Variants in DGKE observed in about 807,000 individuals in gnomAD.
The protein encoded by DGKE is diacylglycerol kinase epsilon, also known as DAG kinase epsilon.
In DGKE, 53 loss-of-function variants were observed where a neutral mutation model predicts 70.0. That is an observed-to-expected ratio of 0.76 (90% CI 0.61 to 0.95). The LOEUF is 0.95. Ranked by LOEUF, DGKE falls within the 40% of genes least tolerant of loss-of-function variation. DGKE has a pLI of 0.00. For missense variants in DGKE, 655 were observed against 706.9 expected, an observed-to-expected ratio of 0.93 and a Z score of 0.83; for synonymous variants, 291 against 257.0, an observed-to-expected ratio of 1.13 and a Z score of -1.27.
chr17:56,858,547 C>G, intron 8 of DGKE, 47 bp from the exon 9 acceptor site: 2 of 1,463,856 alleles, frequency 1.4e-6, no homozygotes, highest in East Asian at 2.3e-5. Flanking sequence ...TTATTGTTTA[C>G]AGGGTTAGAT....
chr17:56,845,798 A>C lies in DGKE; in HGVS notation c.733A>C (p.Asn245His). Residue 245 changes from asparagine to histidine, a missense_variant, in exon 4 of 12, where the codon AAT (asparagine) becomes CAT (histidine). Physicochemically the swap from Asn to His is moderately conservative, Grantham distance 68 (BLOSUM62 1). Coordinates refer to ENST00000284061, the MANE Select transcript of DGKE (RefSeq NM_003647.3). ...GLLGEFRILL[N>H]PVQVFDVTKT... ...GTTGGGAGAATTTAGGATCTTGTTG[A>C]ATCCAGTCCAGGTAACTAAAGAAAA... 6.3e-7 allele frequency: 1 copy of C among 1,593,716 alleles called. No individual in the cohort carries two copies. The highest frequency in any genetic ancestry group is 2.3e-5 in the East Asian group (1 of 44,240).
rs541055095 is a variant in DGKE, at chr17:56,865,766, C to T, written c.*2975C>T. The T allele has an allele frequency of 6.6e-6, 1 of 151,918 alleles. No homozygotes were observed. The highest frequency in any genetic ancestry group is 1.9e-4 in the East Asian group (1 of 5,188). The allele number at this position is 151,918 out of a possible 1,614,324, so 9.4% of individuals were successfully genotyped here. ...TTTGCGTTGTAAAAATGAATACTAC[C>T]AGCATGTCAAAAGAAAAATAATTTA... is the stretch of plus-strand genomic sequence containing the variant. On this transcript the variant is annotated 3_prime_UTR_variant, in exon 12 of 12. Coordinates refer to ENST00000284061, the MANE Select transcript of DGKE (RefSeq NM_003647.3).
chr17:56,848,456 C>T (rs917491955), intron 5 of DGKE, among the ~76,000 whole-genome samples: 4 of 152,114 alleles, frequency 2.6e-5, no homozygotes, highest in African/African-American at 7.2e-5. Flanking sequence ...CTATGCCCAA[C>T]CTAATATAGA....
chr17:56,859,961 G>T (rs1411710589), intron 9 of DGKE, among the ~76,000 whole-genome samples: 1 of 152,186 alleles, frequency 6.6e-6, no homozygotes, highest in South Asian at 2.1e-4. Context: ...CTGCCATGGC[G>T]TAGAAGTAAG....
At chr17:56,852,403 A>G (rs1567818690) in intron 7 of DGKE, among the ~76,000 whole-genome samples, 1 of 117,638 alleles carries the variant, frequency 8.5e-6, no homozygotes, top group African/African-American at 3.0e-5. Context: ...ACAGAGCAAG[A>G]CTCTGTCTCA....
intron 8 of DGKE, 35 bp downstream of exon 8, chr17:56,856,660 C>G: frequency 6.3e-7 from 1 of 1,586,938 alleles, no homozygotes; most frequent in East Asian, 2.3e-5. Context: ...CTGCTTATCA[C>G]CGAAGGTACA....
intron 7 of DGKE, among the ~76,000 whole-genome samples, chr17:56,851,016 A>T (rs1907615592): frequency 6.6e-6 from 1 of 152,226 alleles, no homozygotes; most frequent in African/African-American, 2.4e-5. Context: ...GAGATGAGAG[A>T]GTGCAAAGCA....
rs148908859 is a variant in DGKE at position 56,835,145 on chromosome 17, C to T, written c.350C>T (p.Thr117Ile). 4 of 1,613,970 alleles carry T rather than the reference C, an allele frequency of 2.5e-6. No individual in the cohort carries two copies. The highest frequency in any genetic ancestry group is 3.4e-6 in the Non-Finnish European group (4 of 1,180,048). The stretch of plus-strand genomic sequence containing the variant: ...AAGGAGATTATGCTCAAGAATGACA[C>T]CAAGGTCCTGGACGCCATGCCCCAC... The part of the protein sequence containing the change: ...QCKEIMLKND[T>I]KVLDAMPHHW... Residue 117 changes from threonine (T) to isoleucine (I), a missense_variant, in exon 2 of 12, where the codon ACC (threonine) becomes ATC (isoleucine). Thr to Ile is a moderately conservative substitution (Grantham distance 89, BLOSUM62 -1). Transcript: ENST00000284061.
chr17:56,844,977 G>A (rs2176744), intron 3 of DGKE, among the ~76,000 whole-genome samples: 110,134 of 152,048 alleles, frequency 0.72, 40,134 homozygotes, highest in East Asian at 0.91. Context: ...TCCTGCAAGG[G>A]AAGGGACATT....
chr17:56,856,670 A>G (rs778567835), intron 8 of DGKE, 45 bp downstream of exon 8: 2 of 1,563,648 alleles, frequency 1.3e-6, no homozygotes, highest in South Asian at 1.2e-5. Context: ...CCGAAGGTAC[A>G]GTAAAAATCA....
At chr17:56,839,198 A>G (rs1206014899) in intron 2 of DGKE, among the ~76,000 whole-genome samples, 1 of 152,196 alleles carries the variant, frequency 6.6e-6, no homozygotes, top group Non-Finnish European at 1.5e-5. Context: ...ATTTATATGG[A>G]AAGAGAATAT....
intron 2 of DGKE, chr17:56,836,265 AC>A (rs1598013346): frequency 6.6e-6 from 1 of 152,188 alleles, no homozygotes; most frequent in East Asian, 1.9e-4. Context: ...TAATGTCAAT[AC>A]CTGTTTTTAA....
At chr17:56,834,655 C>A in intron 1 of DGKE, 123 bp from the exon 2 acceptor site, 1 of 921,200 alleles carries the variant, frequency 1.1e-6, no homozygotes, top group Non-Finnish European at 1.6e-6. Flanking sequence ...GAGGCGCAGT[C>A]CCGCCCTCGG....
intron 5 of DGKE, among the ~76,000 whole-genome samples, chr17:56,848,306 C>T (rs764357103): frequency 1.3e-5 from 2 of 151,842 alleles, no homozygotes; most frequent in Non-Finnish European, 2.9e-5. Flanking sequence ...TATAGGTGTG[C>T]GCTACCATGC....
At chr17:56,851,555 C>G (rs923305341) in intron 7 of DGKE, among the ~76,000 whole-genome samples, 3 of 152,208 alleles carry the variant, frequency 2.0e-5, no homozygotes, top group Admixed American at 2.0e-4. Flanking sequence ...AGCTTATACC[C>G]TAGCAAGAGC....
intron 5 of DGKE, 125 bp downstream of exon 5, chr17:56,848,190 C>A: frequency 1.8e-6 from 1 of 565,700 alleles, no homozygotes; most frequent in Non-Finnish European, 2.4e-6. Flanking sequence ...TACAGTCTCG[C>A]ACTGTCACCC....
chr17:56,852,099 A>T (rs1340848614), intron 7 of DGKE, among the ~76,000 whole-genome samples: 2 of 152,088 alleles, frequency 1.3e-5, no homozygotes, highest in African/African-American at 4.8e-5. Context: ...AGAATACAGT[A>T]AGTAACATTT....
At position 56,861,797 on chromosome 17, in the gene DGKE, C is replaced by T. The variant is rs546285860; in HGVS notation, c.1291C>T (p.Leu431=). ...TATTTGTATTTCTTTAAAGCTAGAA[C>T]TGGATGGTGAGCGAGTAGCACTGCC... ...KDLNKKVELE[L]DGERVALPSL... is the part of the protein sequence containing the mutation. The change falls in exon 10 of 12, where the codon CTG becomes TTG. Residue 431 remains leucine, a synonymous_variant. Coordinates refer to ENST00000284061, the MANE Select transcript of DGKE (RefSeq NM_003647.3). The T allele has an allele frequency of 1.9e-6, 3 of 1,612,428 alleles. No individual in the cohort carries two copies. In the East Asian group the frequency reaches 6.7e-5, roughly 36 times the overall value.
chr17:56,847,945 T>A lies in DGKE; in HGVS notation c.768T>A (p.Pro256=). ...AGGTTTTTGATGTAACTAAAACTCC[T>A]CCTATCAAAGCCCTACAACTCTGTA... is the stretch of plus-strand genomic sequence containing the variant. ...PVQVFDVTKT[P]PIKALQLCTL... The change falls in exon 5 of 12, where the codon CCT becomes CCA. Residue 256 remains proline (P), a synonymous_variant. Coordinates refer to ENST00000284061, the MANE Select transcript of DGKE (RefSeq NM_003647.3). The A allele has an allele frequency of 6.4e-7, 1 of 1,570,968 alleles. No individual in the cohort carries two copies. The highest frequency in any genetic ancestry group is 8.6e-7 in the Non-Finnish European group (1 of 1,163,290).
Sources: gnomAD v4.1 joint callset for allele counts (sites outside exome capture counted in the v4.1 genomes callset) on GRCh38, gnomAD v4.1.1 for gene constraint, MANE v1.5 for transcripts, NCBI Gene and HGNC (gene_info 2026-07-23, HGNC 2026-07-21) for gene names.